PACS1: variants seen among roughly 807,000 people sequenced by gnomAD.
PACS1 encodes the protein PACS-1.
A neutral mutation model predicts 115.0 loss-of-function variants in PACS1; 24 were observed. The ratio of observed to expected loss-of-function variants is 0.21; its 90% CI spans 0.15 to 0.29. The LOEUF is 0.29. Ranked by LOEUF, PACS1 falls within the 10% of genes least tolerant of loss-of-function variation. The probability of loss-of-function intolerance (pLI) is 1.00; values close to 1 mark genes in which losing one functional copy is unlikely to be tolerated. For synonymous variants in PACS1, 453 were observed against 504.5 expected, an observed-to-expected ratio of 0.90 and a Z score of 1.37; for missense variants, 838 against 1,251.2, an observed-to-expected ratio of 0.67 and a Z score of 4.98.
At chr11:66,201,107 T>C (rs1337978672) in intron 2 of PACS1, among the ~76,000 whole-genome samples, 1 of 151,912 alleles carries the variant, frequency 6.6e-6, no homozygotes, top group Non-Finnish European at 1.5e-5. Flanking sequence ...TAGTCTCAGC[T>C]ACTCAGGAGG....
In PACS1 at chr11:66,124,776, AAC is replaced by A. The variant is rs1323973452; in HGVS notation, c.356+53940_356+53941del. Among the ~76,000 whole-genome samples, 3 of 152,356 alleles carry A rather than the reference AAC, an allele frequency of 2.0e-5. No homozygotes were observed. In the East Asian group the frequency reaches 5.8e-4, roughly 29 times the overall value. ...ACAGAAAAGCCAGCTCAATGACTTAAACACACAGATGTTTATCATTTCAGAAA... is the reference window on the plus strand; with the variant it reads ...ACAGAAAAGCCAGCTCAATGACTTAAACACAGATGTTTATCATTTCAGAAA... On this transcript the variant is annotated intron_variant, in intron 1 of 23. Transcript: ENST00000320580.
intron 1 of PACS1, among the ~76,000 whole-genome samples, chr11:66,113,473 T>C (rs1000131861): frequency 6.6e-6 from 1 of 152,212 alleles, no homozygotes; most frequent in Admixed American, 6.5e-5. Context: ...TCAAGGCTAG[T>C]TGGGTCTCCA....
At chr11:66,122,387 C>G (rs1032564460) in intron 1 of PACS1, among the ~76,000 whole-genome samples, 1 of 152,188 alleles carries the variant, frequency 6.6e-6, no homozygotes, top group South Asian at 2.1e-4. Flanking sequence ...TGCCTGTTAA[C>G]CACAACATCC....
In PACS1 at chr11:66,235,884, G is replaced by T. The variant is rs1379281036; in HGVS notation, c.2208-14G>T. 1 of 1,611,850 alleles carries T rather than the reference G, an allele frequency of 6.2e-7. No individual in the cohort carries two copies. The highest frequency in any genetic ancestry group is 8.5e-7 in the Non-Finnish European group (1 of 1,178,054). On this transcript the variant is annotated splice_polypyrimidine_tract_variant and intron_variant, in intron 18 of 23. Transcript: ENST00000320580. This position sits in a 1 kb window ranked among gnomAD's most constrained non-coding sequence, Gnocchi z 5.6. ...CTCCTACTAACTATGAAGCTCTCCT[G>T]TGTCTCCCAACAGCCCTGATGAAGA... is the stretch of plus-strand genomic sequence containing the variant.
chr11:66,237,851 C>G (rs868019716), intron 19 of PACS1, among the ~76,000 whole-genome samples: 2 of 152,232 alleles, frequency 1.3e-5, no homozygotes, highest in Non-Finnish European at 2.9e-5. Flanking sequence ...CTCTGGGAAT[C>G]AAAAGAAGGG....
At chr11:66,118,769 C>CAAAAAA (rs397945291) in intron 1 of PACS1, among the ~76,000 whole-genome samples, 21 of 83,550 alleles carry the variant, frequency 2.5e-4, no homozygotes, top group Admixed American at 5.0e-4. Context: ...CCCATGTCTA[C>CAAAAAA]AAAAAAAAAA....
chr11:66,162,123 T>G (rs1859502987), intron 1 of PACS1, among the ~76,000 whole-genome samples: 1 of 128,484 alleles, frequency 7.8e-6, no homozygotes, highest in Non-Finnish European at 1.7e-5. Flanking sequence ...TTTTTTTTTT[T>G]TTTTTTTTTT....
chr11:66,238,884 G>A, intron 20 of PACS1, 38 bp downstream of exon 20: 3 of 1,546,636 alleles, frequency 1.9e-6, no homozygotes, highest in Non-Finnish European at 2.6e-6. Flanking sequence ...GAGTGAGGCT[G>A]GTGCCCTCCC....
intron 1 of PACS1, among the ~76,000 whole-genome samples, chr11:66,129,819 TTG>T (rs1261020735): frequency 1.3e-5 from 2 of 152,178 alleles, no homozygotes; most frequent in African/African-American, 4.8e-5. Context: ...AGCTTGAATT[TTG>T]TGATGTTTGT....
intron 13 of PACS1, among the ~76,000 whole-genome samples, chr11:66,231,356 G>A (rs1363419680): frequency 2.0e-5 from 3 of 152,212 alleles, no homozygotes; most frequent in Non-Finnish European, 4.4e-5. Flanking sequence ...TGCTGTGGGC[G>A]GTCATCGTGC....
chr11:66,235,342 G>C lies in PACS1; in HGVS notation c.2146G>C (p.Gly716Arg). ...AGGGCGGGTGATGCAGTACGTCAAC[G>C]GGGCAGCCACGACACACCAGCTTCC... ...VAGRVMQYVNGAATTHQLPVA... is the reference protein window; with the variant it reads ...VAGRVMQYVNRAATTHQLPVA... Residue 716 changes from glycine (G) to arginine (R), a missense_variant, in exon 18 of 24, where the codon GGG becomes CGG. Transcript: ENST00000320580. The surrounding 1 kb of genome is among the most constrained non-coding windows in gnomAD (Gnocchi z 5.6). The C allele has an allele frequency of 6.2e-7, 1 of 1,614,042 alleles. No homozygotes were observed. The highest frequency in any genetic ancestry group is 8.5e-7 in the Non-Finnish European group (1 of 1,179,946).
chr11:66,165,884 T>C (rs1859588724), intron 1 of PACS1, among the ~76,000 whole-genome samples: 1 of 152,148 alleles, frequency 6.6e-6, no homozygotes, highest in South Asian at 2.1e-4. Context: ...AGTTCCACAC[T>C]TAAATCCAGC....
chr11:66,158,117 C>T (rs1859402578), intron 1 of PACS1, among the ~76,000 whole-genome samples: 1 of 152,166 alleles, frequency 6.6e-6, no homozygotes, highest in South Asian at 2.1e-4. Flanking sequence ...CAGATACGCG[C>T]CACCACACTT....
rs114219371 is a variant in PACS1 at position 66,217,267 on chromosome 11, T to G, written c.978+492T>G. The G allele has an allele frequency of 1.5e-3, 443 of 305,032 alleles. 2 individuals carry two copies. Among genetic ancestry groups the G allele is most frequent in the African/African-American group, 9.2e-3 (417 of 45,372 alleles). 18.9% of individuals were successfully genotyped at this position (305,032 alleles called of 1,614,324 possible). On this transcript the variant is annotated intron_variant, in intron 7 of 23. Transcript: ENST00000320580. ...CAGATATCGTTCCTGCCTTAACGGATCCATAACCTTGGAGACCAGGTGCCT... is the reference window on the plus strand; with the variant it reads ...CAGATATCGTTCCTGCCTTAACGGAGCCATAACCTTGGAGACCAGGTGCCT...
intron 22 of PACS1, among the ~76,000 whole-genome samples, chr11:66,242,182 A>G (rs1299187021): frequency 2.6e-5 from 4 of 152,106 alleles, no homozygotes; most frequent in Non-Finnish European, 5.9e-5. Context: ...TGTGCGTGGG[A>G]GTGAGGCAGG....
At chr11:66,230,701 C>T (rs202121528) in intron 12 of PACS1, 38 bp downstream of exon 12, 3 of 1,606,822 alleles carry the variant, frequency 1.9e-6, no homozygotes, top group East Asian at 2.2e-5. Context: ...GTACAGCCTG[C>T]AGCTGTGCTT....
chr11:66,072,088 C>T lies in PACS1; in HGVS notation c.356+1246C>T, dbSNP rs559702653. ...AAAAAATTAGTTTTACTACATAATGCATCTCTATATATTTTATAGTTCTGA... is the reference window on the plus strand; with the variant it reads ...AAAAAATTAGTTTTACTACATAATGTATCTCTATATATTTTATAGTTCTGA... On this transcript the variant is annotated intron_variant, in intron 1 of 23. Transcript: ENST00000320580. 4.6e-5 allele frequency among the ~76,000 whole-genome samples: 7 copies of T among 152,236 alleles called. No homozygotes were observed. The South Asian group carries it at 1.2e-3, about 27-fold the overall frequency.
At chr11:66,134,271 T>TTTTTTTTTG in intron 1 of PACS1, among the ~76,000 whole-genome samples, 1 of 125,898 alleles carries the variant, frequency 7.9e-6, no homozygotes, top group Admixed American at 8.5e-5. Context: ...TTTTTTTTTT[T>TTTTTTTTTG]TTTTTTTTGA....
chr11:66,108,315 TAAG>T (rs1406813950), intron 1 of PACS1, among the ~76,000 whole-genome samples: 1 of 152,146 alleles, frequency 6.6e-6, no homozygotes, highest in African/African-American at 2.4e-5. Flanking sequence ...CTTCCTTTAA[TAAG>T]GATGCCAGCC....
Sources: allele counts gnomAD v4.1 joint callset (sites outside exome capture counted in the v4.1 genomes callset), GRCh38; gene constraint gnomAD v4.1.1; non-coding constraint Gnocchi (gnomAD v3.1); transcripts MANE v1.5; gene names NCBI Gene and HGNC (gene_info 2026-07-23, HGNC 2026-07-21).